ICAM5: variants seen among roughly 807,000 people sequenced by gnomAD.
The protein encoded by ICAM5 is intercellular adhesion molecule 5.
ICAM5 carries 38 observed loss-of-function variants against 78.8 expected under a neutral mutation model. The observed-to-expected ratio is 0.48, with a 90% CI of 0.37 to 0.63. The LOEUF (loss-of-function observed/expected upper bound fraction) is 0.63. ICAM5 is among the 30% of genes least tolerant of loss of function. The probability of loss-of-function intolerance (pLI) is 0.00; values close to 1 mark genes in which losing one functional copy is unlikely to be tolerated. For synonymous variants in ICAM5, 544 were observed against 590.9 expected (o/e 0.92, Z 1.15); for missense variants, 1,059 against 1,303.0 (o/e 0.81, Z 2.88).
chr19:10,293,737 T>C lies in ICAM5; in HGVS notation c.1505T>C (p.Ile502Thr). 1 of 1,613,858 alleles carries C rather than the reference T, an allele frequency of 6.2e-7. No individual in the cohort carries two copies. Among genetic ancestry groups the C allele is most frequent in the Non-Finnish European group, 8.5e-7 (1 of 1,179,994 alleles). The change falls in exon 7 of 11, where the codon ATT becomes ACT. Residue 502 changes from isoleucine (I) to threonine (T), a missense_variant. Ile to Thr is a moderately conservative substitution (Grantham distance 89, BLOSUM62 -1). Coordinates refer to ENST00000221980, the MANE Select transcript of ICAM5 (RefSeq NM_003259.4). The surrounding 1 kb of genome is among the most constrained non-coding windows in gnomAD (Gnocchi z 5.0). ...ALDSVGCPERITWLEGTEASL... is the reference protein window; with the variant it reads ...ALDSVGCPERTTWLEGTEASL... Reference sequence around the variant, plus strand: ...GACAGCGTGGGCTGCCCAGAACGCATTACTTGGCTGGAGGGAACAGAAGCC... The same window carrying C: ...GACAGCGTGGGCTGCCCAGAACGCACTACTTGGCTGGAGGGAACAGAAGCC...
chr19:10,296,327 T>C lies in ICAM5; in HGVS notation c.2498-12T>C. ...AGCTTGGCCACCCTCCGCGAGGGTC[T>C]CCACCCCGCAGGTCCGTGGCTATGG... On this transcript the variant is annotated splice_polypyrimidine_tract_variant and intron_variant, in intron 10 of 10. Transcript: ENST00000221980. 1.6e-6 allele frequency: 2 copies of C among 1,232,134 alleles called. No individual in the cohort carries two copies. Among genetic ancestry groups the C allele is most frequent in the Non-Finnish European group, 2.0e-6 (2 of 980,388 alleles). 76.3% of individuals were successfully genotyped at this position (1,232,134 alleles called of 1,614,324 possible).
In ICAM5 at chr19:10,296,595, C is replaced by A; in HGVS notation, c.2754C>A (p.Ala918=). ...AESPAEGEVF[A]IQLTSA ...CGCCGGCGGAGGGCGAGGTCTTCGCCATACAGCTGACATCGGCGTGAGCCC... is the reference window on the plus strand; with the variant it reads ...CGCCGGCGGAGGGCGAGGTCTTCGCAATACAGCTGACATCGGCGTGAGCCC... The change falls in exon 11 of 11, where the codon GCC becomes GCA. Residue 918 remains alanine (A), a synonymous_variant. Coordinates refer to ENST00000221980, the MANE Select transcript of ICAM5 (RefSeq NM_003259.4). The A allele has an allele frequency of 8.2e-7, 1 of 1,215,374 alleles. No homozygotes were observed. 75.3% of individuals were successfully genotyped at this position (1,215,374 alleles called of 1,614,324 possible).
rs200758108 is a variant in ICAM5, at chr19:10,293,139, C to T, written c.1358C>T (p.Ala453Val). The T allele has an allele frequency of 4.5e-5, 73 of 1,610,806 alleles. No individual in the cohort carries two copies. The East Asian group carries it at 1.5e-3, about 33-fold the overall frequency. Residue 453 changes from alanine to valine, a missense_variant, in exon 6 of 11, where the codon GCT (alanine) becomes GTT (valine). By Grantham distance (64) the Ala-to-Val change is moderately conservative. Transcript: ENST00000221980. The surrounding 1 kb of genome is among the most constrained non-coding windows in gnomAD (Gnocchi z 5.0). ...CGCTCCGACGGCGGGGCCGTGCTGGCTCTGGGCCTGCTGGGTCCAGTCACT... is the reference window on the plus strand; with the variant it reads ...CGCTCCGACGGCGGGGCCGTGCTGGTTCTGGGCCTGCTGGGTCCAGTCACT... ...CARSDGGAVL[A>V]LGLLGPVTRA...
At position 10,296,412 on chromosome 19, in the gene ICAM5, C is replaced by G; in HGVS notation, c.2571C>G (p.Ala857=). Reference sequence around the variant, plus strand: ...TGCTGGCCGCGGGGGCCGGCCTGGCCTTCTACGTGCAGTCCACCGCCTGCA... The same window carrying G: ...TGCTGGCCGCGGGGGCCGGCCTGGCGTTCTACGTGCAGTCCACCGCCTGCA... ...AALLAAGAGL[A]FYVQSTACKK... Residue 857 remains alanine, a synonymous_variant, in exon 11 of 11, where the codon GCC becomes GCG. Transcript: ENST00000221980. 1 of 1,293,464 alleles carries G rather than the reference C, an allele frequency of 7.7e-7. No individual in the cohort carries two copies. Among genetic ancestry groups the G allele is most frequent in the African/African-American group, 1.6e-5 (1 of 64,488 alleles). 80.1% of individuals were successfully genotyped at this position (1,293,464 alleles called of 1,614,324 possible). A position where few individuals can be genotyped will look rare whatever the true frequency, so the allele number is the denominator to read the frequency against.
Position 10,291,630 on chromosome 19 carries a change from T to A in ICAM5, c.494T>A (p.Ile165Asn). ...CTGCTGCGGGGCGCCCAGGAGCTGA[T>A]CCGCCGCAGCTTCGCCGGTGAACCA... ...LTLLRGAQEL[I>N]RRSFAGEPPR... The change falls in exon 3 of 11, where the codon ATC (isoleucine) becomes AAC (asparagine). Residue 165 changes from isoleucine (I) to asparagine (N), a missense_variant. Physicochemically the swap from Ile to Asn is moderately radical, Grantham distance 149. Coordinates refer to ENST00000221980, the MANE Select transcript of ICAM5 (RefSeq NM_003259.4). The A allele has an allele frequency of 6.2e-7, 1 of 1,611,572 alleles. No homozygotes were observed. The highest frequency in any genetic ancestry group is 8.5e-7 in the Non-Finnish European group (1 of 1,179,360).
chr19:10,290,156 A>G lies in ICAM5; in HGVS notation c.82+31A>G. 2 of 1,459,768 alleles carry G rather than the reference A, an allele frequency of 1.4e-6. No individual in the cohort carries two copies. Among genetic ancestry groups the G allele is most frequent in the South Asian group, 2.6e-5 (2 of 75,566 alleles). The allele number at this position is 1,459,768 out of a possible 1,614,324, so 90.4% of individuals were successfully genotyped here. ...AGCCCCGCTCTGGTTCGGGGTGGACAGGGCGGGGGCGGAGTCCCTGGACCT... is the reference window on the plus strand; with the variant it reads ...AGCCCCGCTCTGGTTCGGGGTGGACGGGGCGGGGGCGGAGTCCCTGGACCT... On this transcript the variant is annotated intron_variant, in intron 1 of 10. Coordinates refer to ENST00000221980, the MANE Select transcript of ICAM5 (RefSeq NM_003259.4). This position sits in a 1 kb window ranked among gnomAD's most constrained non-coding sequence, Gnocchi z 5.7.
In ICAM5 at chr19:10,293,305, C is replaced by T; in HGVS notation, c.1465+59C>T. ...GGTTCAAGGTCTGGAGGGTGGCCAG[C>T]CTCCAGGGAAGAGTAGGAGTAGGGT... On this transcript the variant is annotated intron_variant, in intron 6 of 10. Transcript: ENST00000221980. This position sits in a 1 kb window ranked among gnomAD's most constrained non-coding sequence, Gnocchi z 5.0. 4.6e-6 allele frequency: 7 copies of T among 1,520,298 alleles called. No homozygotes were observed. The highest frequency in any genetic ancestry group is 6.2e-6 in the Non-Finnish European group (7 of 1,132,636). 94.2% of individuals were successfully genotyped at this position (1,520,298 alleles called of 1,614,324 possible). A position where few individuals can be genotyped will look rare whatever the true frequency, so the allele number is the denominator to read the frequency against.
In ICAM5 at chr19:10,290,419, G is replaced by T; in HGVS notation, c.82+294G>T. On this transcript the variant is annotated intron_variant, in intron 1 of 10. Transcript: ENST00000221980. The surrounding 1 kb of genome is among the most constrained non-coding windows in gnomAD (Gnocchi z 5.7). Reference sequence around the variant, plus strand: ...GTCCGCTCCCCGGGTACCTCCTTACGCTGTGCTGTGCACCATGGTCCACGG... The same window carrying T: ...GTCCGCTCCCCGGGTACCTCCTTACTCTGTGCTGTGCACCATGGTCCACGG... The T allele has an allele frequency of 2.5e-6, 1 of 393,142 alleles. No individual in the cohort carries two copies. Among genetic ancestry groups the T allele is most frequent in the East Asian group, 4.4e-5 (1 of 22,928 alleles). The allele number at this position is 393,142 out of a possible 1,614,324, so 24.4% of individuals were successfully genotyped here. A position where few individuals can be genotyped will look rare whatever the true frequency, so the allele number is the denominator to read the frequency against.
Position 10,294,609 on chromosome 19 carries a change from G to A in ICAM5, c.2199G>A (p.Thr733=). 2 of 1,612,870 alleles carry A rather than the reference G, an allele frequency of 1.2e-6. No individual in the cohort carries two copies. The highest frequency in any genetic ancestry group is 1.7e-6 in the Non-Finnish European group (2 of 1,179,878). The change falls in exon 9 of 11, where the codon ACG becomes ACA. Residue 733 remains threonine (T), a synonymous_variant. Coordinates refer to ENST00000221980, the MANE Select transcript of ICAM5 (RefSeq NM_003259.4). This position sits in a 1 kb window ranked among gnomAD's most constrained non-coding sequence, Gnocchi z 7.7. The part of the protein sequence containing the change: ...YHCVATNAHG[T]DSRTVTVGVE... ...GTGTGGCCACCAATGCGCATGGCAC[G>A]GACTCCCGGACCGTCACTGTGGGCG... is the stretch of plus-strand genomic sequence containing the variant.
Position 10,294,303 on chromosome 19 carries a change from G to C in ICAM5, c.1975G>C (p.Val659Leu). The C allele has an allele frequency of 6.2e-7, 1 of 1,613,054 alleles. No individual in the cohort carries two copies. The highest frequency in any genetic ancestry group is 1.1e-5 in the South Asian group (1 of 91,056). Reference sequence around the variant, plus strand: ...CCACGGCTCCGTGGCCAAAACAGTCGTCGTGAGCGCGGAGTGTGAGCGAGG... The same window carrying C: ...CCACGGCTCCGTGGCCAAAACAGTCCTCGTGAGCGCGGAGTGTGAGCGAGG... Reference protein sequence around the residue: ...NRHGSVAKTVVVSAESPPEMD... With the variant: ...NRHGSVAKTVLVSAESPPEMD... The change falls in exon 8 of 11, where the codon GTC becomes CTC. Residue 659 changes from valine to leucine, a missense_variant. Around this residue, in one of 3 missense-constraint regions of ICAM5, gnomAD observed 815 missense variants for 952.8 expected, o/e 0.86. Coordinates refer to ENST00000221980, the MANE Select transcript of ICAM5 (RefSeq NM_003259.4). The surrounding 1 kb of genome is among the most constrained non-coding windows in gnomAD (Gnocchi z 7.7).
At position 10,291,046 on chromosome 19, in the gene ICAM5, G is replaced by A. The variant is rs770220683; in HGVS notation, c.83-26G>A. On this transcript the variant is annotated intron_variant, in intron 1 of 10. Coordinates refer to ENST00000221980, the MANE Select transcript of ICAM5 (RefSeq NM_003259.4). The stretch of plus-strand genomic sequence containing the variant: ...AAGATGTCAGGGAGTTGGCTCCCCA[G>A]GCTCAGCCCGCGTTTCCCTGGGCAG... 9 of 1,590,388 alleles carry A rather than the reference G, an allele frequency of 5.7e-6. No homozygotes were observed. The South Asian group carries it at 1.0e-4, about 18-fold the overall frequency.
chr19:10,292,207 C>T lies in ICAM5; in HGVS notation c.846C>T (p.Phe282=), dbSNP rs531952159. The change falls in exon 4 of 11, where the codon TTC becomes TTT. Residue 282 remains phenylalanine, a synonymous_variant. Coordinates refer to ENST00000221980, the MANE Select transcript of ICAM5 (RefSeq NM_003259.4). ...ATGTCACCCTCGAAGGGGACGCATT[C>T]GTGGCCACTGCCACAGCCACAGCTA... ...SPDVTLEGDA[F]VATATATASA... 1.9e-6 allele frequency: 3 copies of T among 1,613,184 alleles called. No individual in the cohort carries two copies. The highest frequency in any genetic ancestry group is 2.2e-5 in the East Asian group (1 of 44,878).
chr19:10,292,542 G>A lies in ICAM5; in HGVS notation c.962-70G>A. On this transcript the variant is annotated intron_variant, in intron 4 of 10. Transcript: ENST00000221980. ...TCTCAGCACCCCGAGGATTCGGGCA[G>A]ATAAGGGGCGGGCCTTGACCGGAGG... 2.0e-6 allele frequency: 3 copies of A among 1,511,020 alleles called. No individual in the cohort carries two copies. In the South Asian group the frequency reaches 4.0e-5, roughly 20 times the overall value. 93.6% of individuals were successfully genotyped at this position (1,511,020 alleles called of 1,614,324 possible). A position where few individuals can be genotyped will look rare whatever the true frequency, so the allele number is the denominator to read the frequency against.
In ICAM5 at chr19:10,290,524, A is replaced by G. The variant is rs1050631545; in HGVS notation, c.82+399A>G. 24 of 219,128 alleles carry G rather than the reference A, an allele frequency of 1.1e-4. 1 individual carries two copies. The highest frequency in any genetic ancestry group is 5.1e-4 in the African/African-American group (22 of 43,412). 13.6% of individuals were successfully genotyped at this position (219,128 alleles called of 1,614,324 possible). The stretch of plus-strand genomic sequence containing the variant: ...GACTCAGAGGCGCTGTTCCCGCTCC[A>G]CCCAGAGCCCTGGCAACCGGGTCCC... On this transcript the variant is annotated intron_variant, in intron 1 of 10. Coordinates refer to ENST00000221980, the MANE Select transcript of ICAM5 (RefSeq NM_003259.4). The surrounding 1 kb of genome is among the most constrained non-coding windows in gnomAD (Gnocchi z 5.7).
rs922489625 is a variant in ICAM5 at position 10,293,223 on chromosome 19, A to G, written c.1442A>G (p.Lys481Arg). The change falls in exon 6 of 11, where the codon AAG becomes AGG. Residue 481 changes from lysine (K) to arginine (R), a missense_variant. Lys to Arg is a conservative substitution (Grantham distance 26). This residue lies in a region of ICAM5 where 815 missense variants were observed against 952.8 expected (regional missense o/e 0.86). Coordinates refer to ENST00000221980, the MANE Select transcript of ICAM5 (RefSeq NM_003259.4). The surrounding 1 kb of genome is among the most constrained non-coding windows in gnomAD (Gnocchi z 5.0). ...GCCAATGATCAAGGCGAGGCGGTCA[A>G]GGACGTAACGCTAACGGTGGAGTGT... Reference protein sequence around the residue: ...KAANDQGEAVKDVTLTVEYAP... With the variant: ...KAANDQGEAVRDVTLTVEYAP... 1 of 1,594,832 alleles carries G rather than the reference A, an allele frequency of 6.3e-7. No homozygotes were observed. Among genetic ancestry groups the G allele is most frequent in the Non-Finnish European group, 8.5e-7 (1 of 1,170,906 alleles).
intron 10 of ICAM5, among the ~76,000 whole-genome samples, 177 bp downstream of exon 10, chr19:10,295,789 T>G (rs2040215650): frequency 4.0e-5 from 6 of 149,448 alleles, no homozygotes; most frequent in Non-Finnish European, 5.9e-5. Flanking sequence ...CTTTGAGGGG[T>G]GGGAGATGGA....
At position 10,296,474 on chromosome 19, in the gene ICAM5, C is replaced by T. The variant is rs1384405705; in HGVS notation, c.2633C>T (p.Ser878Leu). The change falls in exon 11 of 11, where the codon TCA (serine) becomes TTA (leucine). Residue 878 changes from serine to leucine, a missense_variant. Physicochemically the swap from Ser to Leu is moderately radical, Grantham distance 145. This residue lies in a region of ICAM5 where 109 missense variants were observed against 120.0 expected (regional missense o/e 0.91). Coordinates refer to ENST00000221980, the MANE Select transcript of ICAM5 (RefSeq NM_003259.4). ...TACAACGTGCAGGAGGCCGAGAGCT[C>T]AGGCGAGGCCGTGTGTCTGAACGGA... is the stretch of plus-strand genomic sequence containing the variant. ...GEYNVQEAES[S>L]GEAVCLNGAG... 1 of 1,299,998 alleles carries T rather than the reference C, an allele frequency of 7.7e-7. No individual in the cohort carries two copies. The highest frequency in any genetic ancestry group is 9.9e-7 in the Non-Finnish European group (1 of 1,005,834). The allele number at this position is 1,299,998 out of a possible 1,614,324, so 80.5% of individuals were successfully genotyped here.
chr19:10,293,219 G>A lies in ICAM5; in HGVS notation c.1438G>A (p.Val480Ile), dbSNP rs775256074. ...CKAANDQGEA[V>I]KDVTLTVEYA... ...GGCGGCCAATGATCAAGGCGAGGCG[G>A]TCAAGGACGTAACGCTAACGGTGGA... is the stretch of plus-strand genomic sequence containing the variant. The change falls in exon 6 of 11, where the codon GTC (valine) becomes ATC (isoleucine). Residue 480 changes from valine to isoleucine, a missense_variant. Coordinates refer to ENST00000221980, the MANE Select transcript of ICAM5 (RefSeq NM_003259.4). This position sits in a 1 kb window ranked among gnomAD's most constrained non-coding sequence, Gnocchi z 5.0. 6.3e-7 allele frequency: 1 copy of A among 1,595,466 alleles called. No individual in the cohort carries two copies. The highest frequency in any genetic ancestry group is 8.5e-7 in the Non-Finnish European group (1 of 1,171,440).
chr19:10,295,637 G>A, intron 10 of ICAM5, 25 bp downstream of exon 10: 2 of 1,529,864 alleles, frequency 1.3e-6, no homozygotes, highest in Non-Finnish European at 1.8e-6. Context: ...GGGAGAGGCG[G>A]GGCGAGGTAT....
Sources: gnomAD v4.1 joint callset for allele counts (sites outside exome capture counted in the v4.1 genomes callset) on GRCh38, gnomAD v4.1.1 for gene constraint, gnomAD v4.1.1 regional missense constraint, Gnocchi (gnomAD v3.1) non-coding constraint, MANE v1.5 for transcripts, NCBI Gene and HGNC (gene_info 2026-07-23, HGNC 2026-07-21) for gene names.